MARCHF1: variants seen among roughly 807,000 people sequenced by gnomAD.
The protein encoded by MARCHF1 is E3 ubiquitin-protein ligase MARCHF1.
MARCHF1 carries 40 observed loss-of-function variants against 54.2 expected under a neutral mutation model. The ratio of observed to expected loss-of-function variants is 0.74; its 90% confidence interval spans 0.57 to 0.96. The LOEUF is 0.96. Ranked by LOEUF, MARCHF1 falls within the 40% of genes least tolerant of loss-of-function variation. The probability of loss-of-function intolerance (pLI) is 0.00; values close to 1 mark genes in which losing one functional copy is unlikely to be tolerated. For synonymous variants in MARCHF1, 236 were observed against 236.3 expected (o/e 1.00, Z 0.01); for missense variants, 586 against 656.5 (o/e 0.89, Z 1.17).
intron 5 of MARCHF1, among the ~76,000 whole-genome samples, chr4:163,643,772 T>C (rs1409322721): frequency 2.0e-5 from 3 of 152,148 alleles, no homozygotes; most frequent in Non-Finnish European, 4.4e-5. Context: ...TTCCTTTATT[T>C]GAGGAGGAAA....
intron 4 of MARCHF1, among the ~76,000 whole-genome samples, chr4:163,763,250 T>C (rs1746879455): frequency 6.6e-6 from 1 of 152,094 alleles, no homozygotes; most frequent in African/African-American, 2.4e-5. Context: ...TGACCTGTAC[T>C]CTGTCCTTAC....
chr4:163,733,398 T>C (rs929417173), intron 4 of MARCHF1, among the ~76,000 whole-genome samples: 36 of 144,830 alleles, frequency 2.5e-4, no homozygotes, highest in African/African-American at 9.2e-4. Flanking sequence ...CTGGAAATGG[T>C]TACTATTTTT....
chr4:164,191,668 A>C (rs2111050525), intron 1 of MARCHF1, among the ~76,000 whole-genome samples: 1 of 152,288 alleles, frequency 6.6e-6, no homozygotes, highest in African/African-American at 2.4e-5. Context: ...AATTTGGCAA[A>C]GTTTTATAAG....
intron 3 of MARCHF1, among the ~76,000 whole-genome samples, chr4:163,884,578 A>C (rs887666009): frequency 3.3e-5 from 5 of 152,168 alleles, no homozygotes; most frequent in Non-Finnish European, 7.3e-5. Context: ...TCCCTAGTTC[A>C]AAGTCTCTTG....
intron 4 of MARCHF1, among the ~76,000 whole-genome samples, chr4:163,765,770 T>C (rs1028364142): frequency 6.6e-6 from 1 of 151,002 alleles, no homozygotes; most frequent in African/African-American, 2.4e-5. Flanking sequence ...TAACTTAACA[T>C]ATTTATGGAA....
intron 8 of MARCHF1, among the ~76,000 whole-genome samples, chr4:163,565,576 C>G (rs1739619292): frequency 6.6e-6 from 1 of 152,138 alleles, no homozygotes; most frequent in Non-Finnish European, 1.5e-5. Flanking sequence ...AATATTAGTT[C>G]TCACTTTTTA....
intron 2 of MARCHF1, among the ~76,000 whole-genome samples, chr4:163,989,756 T>A (rs558271242): frequency 1.3e-5 from 2 of 152,332 alleles, no homozygotes; most frequent in South Asian, 4.1e-4. Flanking sequence ...TGGCACTCTG[T>A]CTTTAAAAGG....
intron 2 of MARCHF1, among the ~76,000 whole-genome samples, chr4:164,023,759 T>C (rs914362508): frequency 6.6e-6 from 1 of 152,026 alleles, no homozygotes; most frequent in Admixed American, 6.5e-5. Flanking sequence ...ATGACAGACA[T>C]AGAATTCAAA....
intron 2 of MARCHF1, among the ~76,000 whole-genome samples, chr4:164,085,878 T>C (rs1755183300): frequency 6.6e-6 from 1 of 151,858 alleles, no homozygotes; most frequent in African/African-American, 2.4e-5. Context: ...GATAGAATAC[T>C]TATTGGAGAA....
At chr4:164,294,535 A>G (rs1024394035) in intron 1 of MARCHF1, among the ~76,000 whole-genome samples, 1 of 152,158 alleles carries the variant, frequency 6.6e-6, no homozygotes. Flanking sequence ...ACTGCTTCCT[A>G]ACGTTTTCTA....
At chr4:163,635,370 T>C (rs1269250290) in intron 5 of MARCHF1, among the ~76,000 whole-genome samples, 3 of 150,616 alleles carry the variant, frequency 2.0e-5, no homozygotes, top group East Asian at 3.9e-4. Context: ...TAAAAAAAGA[T>C]AGAAGAATCA....
At chr4:163,572,654 C>A (rs554498964) in intron 8 of MARCHF1, among the ~76,000 whole-genome samples, 2 of 152,128 alleles carry the variant, frequency 1.3e-5, no homozygotes, top group South Asian at 2.1e-4. Flanking sequence ...ACAAAGTCCT[C>A]GGGAGGGAAT....
chr4:163,707,903 A>G (rs1744996350), intron 4 of MARCHF1, among the ~76,000 whole-genome samples: 1 of 151,778 alleles, frequency 6.6e-6, no homozygotes, highest in Non-Finnish European at 1.5e-5. Context: ...GAACTCTACA[A>G]ACTACTTTTC....
intron 5 of MARCHF1, among the ~76,000 whole-genome samples, chr4:163,687,103 T>A (rs1381298374): frequency 6.6e-6 from 1 of 152,106 alleles, no homozygotes; most frequent in African/African-American, 2.4e-5. Context: ...TTAAACAAAA[T>A]CCTTTAAAAA....
chr4:164,047,481 T>C (rs1250924411), intron 2 of MARCHF1, among the ~76,000 whole-genome samples: 1 of 152,212 alleles, frequency 6.6e-6, no homozygotes, highest in African/African-American at 2.4e-5. Context: ...GGGTGTTGTT[T>C]AATCTATTAA....
chr4:163,556,076 G>A (rs979632797), intron 8 of MARCHF1: 39 of 415,196 alleles, frequency 9.4e-5, no homozygotes, highest in Middle Eastern at 7.0e-4. Context: ...GACTTACCCA[G>A]TCATTATTAG....
intron 1 of MARCHF1, among the ~76,000 whole-genome samples, chr4:164,201,312 C>T (rs1378616712): frequency 6.6e-6 from 1 of 152,088 alleles, no homozygotes; most frequent in Non-Finnish European, 1.5e-5. Flanking sequence ...CTCCGCCTCC[C>T]AGGTTCAAGC....
chr4:164,186,863 A>T (rs918082462), intron 1 of MARCHF1, among the ~76,000 whole-genome samples: 1 of 152,178 alleles, frequency 6.6e-6, no homozygotes, highest in Non-Finnish European at 1.5e-5. Flanking sequence ...AAATCCCAAA[A>T]TTAGAGAGGA....
intron 8 of MARCHF1, among the ~76,000 whole-genome samples, chr4:163,549,054 C>T (rs1739008701): frequency 6.6e-6 from 1 of 152,204 alleles, no homozygotes; most frequent in South Asian, 2.1e-4. Flanking sequence ...ACCATGGTTA[C>T]ACCTCTAGAG....
Sources: allele counts gnomAD v4.1 joint callset (sites outside exome capture counted in the v4.1 genomes callset), GRCh38; gene constraint gnomAD v4.1.1; transcripts MANE v1.5; gene names NCBI Gene and HGNC (gene_info 2026-07-23, HGNC 2026-07-21).